The following ACOT7 variants were observed in gnomAD, a reference collection of about 807,000 sequenced individuals.
The protein encoded by ACOT7 is acyl-CoA thioesterase 7, also known as cytosolic acyl coenzyme A thioester hydrolase.
A neutral mutation model predicts 40.2 loss-of-function variants in ACOT7; 12 were observed. That is an observed-to-expected ratio of 0.30 (90% CI 0.19 to 0.48). ACOT7 has a LOEUF of 0.48. ACOT7 is among the 20% of genes least tolerant of loss of function. The pLI is 0.99. For missense variants in ACOT7, 395 were observed against 530.8 expected (o/e 0.74, Z 2.51); for synonymous variants, 228 against 219.5 (o/e 1.04, Z -0.34).
At chr1:6,310,952 G>A (rs779372182) in intron 6 of ACOT7, among the ~76,000 whole-genome samples, 2 of 152,146 alleles carry the variant, frequency 1.3e-5, no homozygotes, top group Non-Finnish European at 2.9e-5. Flanking sequence ...TGGCCAGGCT[G>A]GTCTTGAACT....
intron 1 of ACOT7, among the ~76,000 whole-genome samples, chr1:6,356,500 T>G (rs1204801114): frequency 6.6e-6 from 1 of 152,058 alleles, no homozygotes. Context: ...TGGCCAGCCC[T>G]GGACAGGCCC....
At chr1:6,357,772 G>A in intron 1 of ACOT7, among the ~76,000 whole-genome samples, 1 of 152,148 alleles carries the variant, frequency 6.6e-6, no homozygotes, top group East Asian at 1.9e-4. Context: ...ACGTGGATGG[G>A]TGTGGGGCCT....
At chr1:6,383,439 A>G (rs1038560108) in intron 1 of ACOT7, among the ~76,000 whole-genome samples, 7 of 150,030 alleles carry the variant, frequency 4.7e-5, no homozygotes. Flanking sequence ...CATCCGCCTC[A>G]GCCTCCCAAA....
In ACOT7 at chr1:6,282,755, A is replaced by G. The variant is rs1204118932; in HGVS notation, c.830-1469T>C. 7.7e-7 allele frequency: 1 copy of G among 1,304,158 alleles called. No individual in the cohort carries two copies. Among genetic ancestry groups the G allele is most frequent in the Non-Finnish European group, 1.0e-6 (1 of 988,972 alleles). 80.8% of individuals were successfully genotyped at this position (1,304,158 alleles called of 1,614,324 possible). On this transcript the variant is annotated intron_variant, in intron 7 of 8. Coordinates refer to ENST00000361521, the MANE Select transcript of ACOT7 (RefSeq NM_007274.4). This position sits in a 1 kb window ranked among gnomAD's most constrained non-coding sequence, Gnocchi z 4.5. ...CACTTCGTGCCAGTGCTGGGAGAGG[A>G]GGAAGGAGCTGTGTGGTCAGCGCCA...
chr1:6,355,073 C>T lies in ACOT7; in HGVS notation c.144-5207G>A, dbSNP rs373696371. Among the ~76,000 whole-genome samples, 8 of 152,166 alleles carry T rather than the reference C, an allele frequency of 5.3e-5. No individual in the cohort carries two copies. The highest frequency in any genetic ancestry group is 7.4e-5 in the Non-Finnish European group (5 of 68,022). ...CAACTCTCACTGCCCTGCGGGGCTC[C>T]GACCTGCACCTGCCAGAGCACTGCT... On this transcript the variant is annotated intron_variant, in intron 1 of 8. Transcript: ENST00000361521. The surrounding 1 kb of genome is among the most constrained non-coding windows in gnomAD (Gnocchi z 5.0).
At chr1:6,388,502 G>A (rs1022495008) in intron 1 of ACOT7, among the ~76,000 whole-genome samples, 4 of 151,344 alleles carry the variant, frequency 2.6e-5, no homozygotes, top group Admixed American at 1.3e-4. Flanking sequence ...ACTTTGGGAG[G>A]CCGAGGCGGG....
intron 1 of ACOT7, among the ~76,000 whole-genome samples, chr1:6,374,137 G>A (rs1019406808): frequency 3.3e-5 from 5 of 152,222 alleles, no homozygotes; most frequent in Non-Finnish European, 7.3e-5. Flanking sequence ...GCAAGGGAAG[G>A]TGGCAGCAGG....
chr1:6,390,149 C>G (rs1238187324), intron 1 of ACOT7, among the ~76,000 whole-genome samples: 1 of 152,192 alleles, frequency 6.6e-6, no homozygotes, highest in African/African-American at 2.4e-5. Flanking sequence ...CAGGCCTACC[C>G]CTACCACCAC....
chr1:6,323,319 G>A (rs992849494), intron 5 of ACOT7, among the ~76,000 whole-genome samples: 4 of 152,102 alleles, frequency 2.6e-5, no homozygotes, highest in African/African-American at 9.7e-5. Context: ...TGGCCCAGTG[G>A]GCTGGCGTGT....
intron 3 of ACOT7, 52 bp downstream of exon 3, chr1:6,339,381 G>A (rs1641197616): frequency 1.2e-6 from 2 of 1,609,866 alleles, no homozygotes; most frequent in South Asian, 1.1e-5. Context: ...GGAAGCAGCT[G>A]TGTAGCCACG....
intron 1 of ACOT7, among the ~76,000 whole-genome samples, chr1:6,351,566 C>A (rs927787411): frequency 6.6e-6 from 1 of 152,242 alleles, no homozygotes; most frequent in Non-Finnish European, 1.5e-5. Context: ...CAGAGGGTCA[C>A]TTTCCACACA....
At chr1:6,307,657 A>G (rs1451925543) in intron 6 of ACOT7, among the ~76,000 whole-genome samples, 1 of 152,028 alleles carries the variant, frequency 6.6e-6, no homozygotes, top group African/African-American at 2.4e-5. Flanking sequence ...GCAACCAGGC[A>G]GAGGGAACAG....
chr1:6,347,045 G>C (rs1641445868), intron 2 of ACOT7, among the ~76,000 whole-genome samples: 1 of 152,156 alleles, frequency 6.6e-6, no homozygotes. Flanking sequence ...CTGGCCAAGA[G>C]GCCCCAGCCA....
At position 6,330,695 on chromosome 1, in the gene ACOT7, CA is replaced by C. The variant is rs1297340470; in HGVS notation, c.510+2781del. 2.0e-5 allele frequency among the ~76,000 whole-genome samples: 3 copies of C among 152,146 alleles called. No individual in the cohort carries two copies. The highest frequency in any genetic ancestry group is 1.5e-5 in the Non-Finnish European group (1 of 68,010). On this transcript the variant is annotated intron_variant, in intron 4 of 8. Coordinates refer to ENST00000361521, the MANE Select transcript of ACOT7 (RefSeq NM_007274.4). The surrounding 1 kb of genome is among the most constrained non-coding windows in gnomAD (Gnocchi z 4.6). ...CCACGCTGAAAGCACCCTGTCCCTG[CA>C]GCGAGGGGATGGGAGCCAGGGGAGT...
In ACOT7 at chr1:6,318,649, C is replaced by T. The variant is rs116312877; in HGVS notation, c.626-71G>A. On this transcript the variant is annotated intron_variant, in intron 5 of 8. Coordinates refer to ENST00000361521, the MANE Select transcript of ACOT7 (RefSeq NM_007274.4). ...CCACAGCTGAATGGTCTGGCAATGC[C>T]GAAACCACCCTCAGGTCTACACAGT... The T allele has an allele frequency of 1.8e-4, 265 of 1,472,894 alleles. 1 individual carries two copies. The African/African-American group carries it at 2.1e-3, about 12-fold the overall frequency. 91.2% of individuals were successfully genotyped at this position (1,472,894 alleles called of 1,614,324 possible).
Position 6,282,739 on chromosome 1 carries a change from C to T in ACOT7, c.830-1453G>A. The stretch of plus-strand genomic sequence containing the variant: ...TCATACTTACAGGGAGCACTTCGTG[C>T]CAGTGCTGGGAGAGGAGGAAGGAGC... On this transcript the variant is annotated intron_variant, in intron 7 of 8. Transcript: ENST00000361521. This position sits in a 1 kb window ranked among gnomAD's most constrained non-coding sequence, Gnocchi z 4.5. 7.7e-7 allele frequency: 1 copy of T among 1,304,164 alleles called. No homozygotes were observed. Among genetic ancestry groups the T allele is most frequent in the Non-Finnish European group, 1.0e-6 (1 of 988,888 alleles). 80.8% of individuals were successfully genotyped at this position (1,304,164 alleles called of 1,614,324 possible). A position where few individuals can be genotyped will look rare whatever the true frequency, so the allele number is the denominator to read the frequency against.
At chr1:6,320,250 T>C (rs373852540) in intron 5 of ACOT7, among the ~76,000 whole-genome samples, 7 of 152,326 alleles carry the variant, frequency 4.6e-5, no homozygotes, top group African/African-American at 1.7e-4. Flanking sequence ...GAGAGTTTTG[T>C]GTTTATGGCT....
intron 1 of ACOT7, among the ~76,000 whole-genome samples, chr1:6,362,159 G>A (rs1174390940): frequency 3.3e-5 from 5 of 152,078 alleles, no homozygotes; most frequent in Admixed American, 1.3e-4. Flanking sequence ...GGCTGGGCAT[G>A]GTGGCTCACG....
At position 6,359,819 on chromosome 1, in the gene ACOT7, G is replaced by A. The variant is rs1048862721; in HGVS notation, c.144-9953C>T. 6.6e-6 allele frequency among the ~76,000 whole-genome samples: 1 copy of A among 152,298 alleles called. No individual in the cohort carries two copies. Among genetic ancestry groups the A allele is most frequent in the East Asian group, 1.9e-4 (1 of 5,170 alleles). On this transcript the variant is annotated intron_variant, in intron 1 of 8. Coordinates refer to ENST00000361521, the MANE Select transcript of ACOT7 (RefSeq NM_007274.4). The surrounding 1 kb of genome is among the most constrained non-coding windows in gnomAD (Gnocchi z 4.1). ...AAAGTCCCCAGCCAGAGTGCAGGCC[G>A]CACAGCCTCAACCAGGCTGCACCCG... is the stretch of plus-strand genomic sequence containing the variant.
Sources: allele counts gnomAD v4.1 joint callset (sites outside exome capture counted in the v4.1 genomes callset), GRCh38; gene constraint gnomAD v4.1.1; non-coding constraint Gnocchi (gnomAD v3.1); transcripts MANE v1.5; gene names NCBI Gene and HGNC (gene_info 2026-07-23, HGNC 2026-07-21).